The following PRRG1 variants were observed in gnomAD, a reference collection of about 807,000 sequenced individuals.
PRRG1 encodes proline rich and Gla domain 1.
Under a neutral mutation model 11.8 loss-of-function variants are expected in PRRG1, and 5 were observed. The observed-to-expected ratio is 0.42, with a 90% confidence interval of 0.22 to 0.89. The LOEUF is 0.89. Among genes scored for constraint, PRRG1 ranks in the 40% least tolerant of loss-of-function variants. The probability of loss-of-function intolerance (pLI) is 0.28; values close to 1 mark genes in which losing one functional copy is unlikely to be tolerated. For synonymous variants in PRRG1, 66 were observed against 60.4 expected (o/e 1.09, Z -0.43); for missense variants, 155 against 166.1 (o/e 0.93, Z 0.37).
intron 3 of PRRG1, among the ~76,000 whole-genome samples, chrX:37,452,916 GA>G (rs1330910779): frequency 1.8e-5 from 2 of 112,070 alleles, no homozygotes; most frequent in African/African-American, 3.2e-5. Flanking sequence ...AACACTCTTG[GA>G]TTCTGACTGA....
At chrX:37,374,033 T>C (rs1307105845) in intron 1 of PRRG1, among the ~76,000 whole-genome samples, 1 of 112,132 alleles carries the variant, frequency 8.9e-6, no homozygotes, top group Non-Finnish European at 1.9e-5. Context: ...GATGATCATA[T>C]AGTTTTTGTC....
At chrX:37,417,967 C>T (rs533263631) in intron 2 of PRRG1, among the ~76,000 whole-genome samples, 2 of 111,765 alleles carry the variant, frequency 1.8e-5, no homozygotes, top group African/African-American at 3.2e-5. Flanking sequence ...CAAAAGGATT[C>T]GGATCCAATA....
At chrX:37,398,013 CACAT>C (rs200178652) in intron 1 of PRRG1, among the ~76,000 whole-genome samples, 3,652 of 85,552 alleles carry the variant, frequency 0.043, 145 homozygotes, top group African/African-American at 0.17. Flanking sequence ...CACACACACA[CACAT>C]ACACGCTGAA....
chrX:37,448,790 C>T (rs1202106426), intron 3 of PRRG1, among the ~76,000 whole-genome samples: 1 of 111,317 alleles, frequency 9.0e-6, no homozygotes, highest in Non-Finnish European at 1.9e-5. Flanking sequence ...GAATACAAAA[C>T]GTATCTTTTA....
intron 3 of PRRG1, among the ~76,000 whole-genome samples, chrX:37,452,007 G>T (rs1556396659): frequency 9.0e-6 from 1 of 111,495 alleles, no homozygotes; most frequent in Non-Finnish European, 1.9e-5. Flanking sequence ...CATTCCAAGG[G>T]CTCCCTCCCT....
intron 2 of PRRG1, among the ~76,000 whole-genome samples, chrX:37,421,588 C>A (rs1932661674): frequency 8.9e-6 from 1 of 111,961 alleles, no homozygotes; most frequent in Non-Finnish European, 1.9e-5. Flanking sequence ...GAAATTGCCC[C>A]ATGTTTTTAG....
intron 3 of PRRG1, among the ~76,000 whole-genome samples, chrX:37,449,451 G>A (rs186454660): frequency 2.7e-5 from 3 of 112,350 alleles, no homozygotes; most frequent in Admixed American, 9.4e-5. Context: ...AAATGGCAGT[G>A]AGAACATTCA....
At chrX:37,392,953 G>T (rs144004200) in intron 1 of PRRG1, among the ~76,000 whole-genome samples, 2,278 of 111,594 alleles carry the variant, frequency 0.02, 56 homozygotes, top group African/African-American at 0.07. Context: ...TAGCACCTAA[G>T]CATGTAGTAG....
chrX:37,349,679 G>A (rs1929990154), intron 1 of PRRG1, among the ~76,000 whole-genome samples: 1 of 111,515 alleles, frequency 9.0e-6, no homozygotes, highest in South Asian at 3.8e-4. Flanking sequence ...GGGCAGGACC[G>A]CGAGGCTTGC....
At chrX:37,387,362 A>G (rs1195071799) in intron 1 of PRRG1, among the ~76,000 whole-genome samples, 2 of 111,961 alleles carry the variant, frequency 1.8e-5, no homozygotes, top group East Asian at 2.8e-4. Context: ...ACATTGCTAT[A>G]AAGAAATACC....
At chrX:37,358,850 C>T (rs1930327940) in intron 1 of PRRG1, among the ~76,000 whole-genome samples, 1 of 111,913 alleles carries the variant, frequency 8.9e-6, no homozygotes, top group Non-Finnish European at 1.9e-5. Context: ...TATTCGTGAA[C>T]ATGGGATATC....
At chrX:37,386,603 C>CT (rs1276303430) in intron 1 of PRRG1, 2 of 111,654 alleles carry the variant, frequency 1.8e-5, no homozygotes, top group Non-Finnish European at 3.8e-5. Context: ...TTGTAGGATG[C>CT]TCACCCCATT....
intron 1 of PRRG1, among the ~76,000 whole-genome samples, chrX:37,372,640 A>G (rs1422616752): frequency 2.7e-5 from 3 of 112,109 alleles, no homozygotes; most frequent in Non-Finnish European, 5.6e-5. Flanking sequence ...AAATTGGACT[A>G]TTTGTTTTCT....
rs191447341 is a variant in PRRG1, at chrX:37,440,871, C to T, written c.172-12265C>T. On this transcript the variant is annotated intron_variant, in intron 3 of 3. Transcript: ENST00000378628. ...CTCAACTTCCTGTGCCCAAGTGATC[C>T]TCCCATCTCAGCCTCCCAAGTAGGT... 206 of 506,188 alleles carry T rather than the reference C, an allele frequency of 4.1e-4. 1 individual carries two copies. In the Admixed American group the frequency reaches 5.4e-3, roughly 13 times the overall value. The allele number at this position is 506,188 out of a possible 1,213,427, so 41.7% of individuals were successfully genotyped here. A position where few individuals can be genotyped will look rare whatever the true frequency, so the allele number is the denominator to read the frequency against.
chrX:37,407,327 A>G (rs1932214397), intron 2 of PRRG1, among the ~76,000 whole-genome samples: 1 of 112,099 alleles, frequency 8.9e-6, no homozygotes, highest in African/African-American at 3.2e-5. Flanking sequence ...AGAACTGCAA[A>G]ATGTTATGTG....
intron 3 of PRRG1, among the ~76,000 whole-genome samples, chrX:37,442,474 T>G (rs1933002076): frequency 4.3e-5 from 4 of 92,002 alleles, no homozygotes; most frequent in Admixed American, 2.5e-4. Flanking sequence ...TAGGGTGGGG[T>G]GAGATGGGTG....
At chrX:37,378,200 T>C (rs782671085) in intron 1 of PRRG1, among the ~76,000 whole-genome samples, 2 of 112,273 alleles carry the variant, frequency 1.8e-5, no homozygotes, top group African/African-American at 6.5e-5. Flanking sequence ...GAGGACCCAG[T>C]TGAAATCCTG....
At chrX:37,370,410 G>C (rs1290509778) in intron 1 of PRRG1, among the ~76,000 whole-genome samples, 1 of 111,580 alleles carries the variant, frequency 9.0e-6, no homozygotes, top group Non-Finnish European at 1.9e-5. Flanking sequence ...CCATGACACT[G>C]GCTGCAGTGG....
chrX:37,419,363 A>G (rs1342006650), intron 2 of PRRG1, among the ~76,000 whole-genome samples: 1 of 111,844 alleles, frequency 8.9e-6, no homozygotes, highest in African/African-American at 3.2e-5. Context: ...GGCAAAGGGT[A>G]TTTCCTCACA....
Sources: allele counts gnomAD v4.1 joint callset (sites outside exome capture counted in the v4.1 genomes callset), GRCh38; gene constraint gnomAD v4.1.1; transcripts MANE v1.5; gene names NCBI Gene and HGNC (gene_info 2026-07-23, HGNC 2026-07-21).